Variants in ANXA6 observed in about 807,000 individuals in gnomAD.
ANXA6 encodes the protein 67 kDa calelectrin.
In ANXA6, 71 loss-of-function variants were observed where a neutral mutation model predicts 95.4. The ratio of observed to expected loss-of-function variants is 0.74; its 90% CI spans 0.61 to 0.91. ANXA6 has a LOEUF of 0.91. Among genes scored for constraint, ANXA6 ranks in the 40% least tolerant of loss-of-function variants. The pLI is 0.00. For synonymous variants in ANXA6, 289 were observed against 315.9 expected (o/e 0.91, Z 0.90); for missense variants, 830 against 876.4 (o/e 0.95, Z 0.67).
intron 24 of ANXA6, among the ~76,000 whole-genome samples, chr5:151,105,011 C>T (rs1223682291): frequency 6.6e-6 from 1 of 152,180 alleles, no homozygotes; most frequent in Non-Finnish European, 1.5e-5. Context: ...TTGTGATGAC[C>T]AAAAATGTGT....
At chr5:151,103,086 T>C (rs1764592638) in intron 25 of ANXA6, among the ~76,000 whole-genome samples, 1 of 152,170 alleles carries the variant, frequency 6.6e-6, no homozygotes. Flanking sequence ...AACCTCTACC[T>C]CCTGGGTTCA....
In ANXA6 at chr5:151,129,526, G is replaced by A; in HGVS notation, c.799C>T (p.Leu267=). ...ATCAGGGTGTTGTCCCGAGTCCCCA[G>A]GCCCTGCAAGACAAGTGGGTTTGGG... is the stretch of plus-strand genomic sequence containing the variant. ...AERLFKAMKG[L]GTRDNTLIRI... is the part of the protein sequence containing the mutation. The change falls in exon 12 of 26, where the codon CTG becomes TTG. Residue 267 remains leucine (L), a synonymous_variant. Coordinates refer to ENST00000354546, the MANE Select transcript of ANXA6 (RefSeq NM_001155.5). 2 of 1,601,118 alleles carry A rather than the reference G, an allele frequency of 1.2e-6. No homozygotes were observed. Among genetic ancestry groups the A allele is most frequent in the Non-Finnish European group, 1.7e-6 (2 of 1,173,816 alleles).
Position 151,100,911 on chromosome 5 carries a change from T to C in ANXA6, c.*537A>G. 1 of 456,394 alleles carries C rather than the reference T, an allele frequency of 2.2e-6. No homozygotes were observed. The allele number at this position is 456,394 out of a possible 1,614,324, so 28.3% of individuals were successfully genotyped here. A position where few individuals can be genotyped will look rare whatever the true frequency, so the allele number is the denominator to read the frequency against. On this transcript the variant is annotated 3_prime_UTR_variant, in exon 26 of 26. Transcript: ENST00000354546. ...AGGTCAGAAACAAGTGCATGGCAGATGCAGATTTGAACCCAGGCATCCAAA... is the reference window on the plus strand; with the variant it reads ...AGGTCAGAAACAAGTGCATGGCAGACGCAGATTTGAACCCAGGCATCCAAA...
chr5:151,113,643 A>T (rs1378856918), intron 20 of ANXA6, among the ~76,000 whole-genome samples: 1 of 151,124 alleles, frequency 6.6e-6, no homozygotes, highest in Non-Finnish European at 1.5e-5. Flanking sequence ...TCTGTAATGT[A>T]AAAAAAAAGT....
At chr5:151,140,396 G>A (rs1288256603) in intron 2 of ANXA6, 153 bp from the exon 3 acceptor site, 1 of 670,644 alleles carries the variant, frequency 1.5e-6, no homozygotes, top group East Asian at 2.8e-5. Context: ...GGAGCGGTGT[G>A]GATGACTTTC....
At position 151,122,246 on chromosome 5, in the gene ANXA6, G is replaced by T; in HGVS notation, c.1248C>A (p.Asp416Glu). The T allele has an allele frequency of 6.2e-7, 1 of 1,603,674 alleles. No homozygotes were observed. Among genetic ancestry groups the T allele is most frequent in the Non-Finnish European group, 8.5e-7 (1 of 1,175,546 alleles). ...KSHFGRDLMT[D>E]LKSEISGDLA... ...GGTCTCCAGAGATCTCAGACTTCAG[G>T]TCAGTCATTAAGTCCTGCAAAGGGC... Residue 416 changes from aspartate (D) to glutamate (E), a missense_variant, in exon 17 of 26, where the codon GAC becomes GAA. By Grantham distance (45) the Asp-to-Glu change is conservative (BLOSUM62 2). Coordinates refer to ENST00000354546, the MANE Select transcript of ANXA6 (RefSeq NM_001155.5).
intron 23 of ANXA6, among the ~76,000 whole-genome samples, chr5:151,107,745 T>C (rs1046218469): frequency 2.0e-5 from 3 of 152,248 alleles, no homozygotes; most frequent in African/African-American, 7.2e-5. Context: ...TCCATATTTA[T>C]ACACGGTGGA....
At chr5:151,129,687 C>T (rs562532670) in intron 11 of ANXA6, among the ~76,000 whole-genome samples, 158 bp from the exon 12 acceptor site, 1 of 138,172 alleles carries the variant, frequency 7.2e-6, no homozygotes, top group Non-Finnish European at 1.6e-5. Context: ...TCTCTATGCT[C>T]CTCTTACTGT....
chr5:151,139,486 G>A, intron 3 of ANXA6, 39 bp from the exon 4 acceptor site: 1 of 1,528,696 alleles, frequency 6.5e-7, no homozygotes, highest in East Asian at 2.3e-5. Context: ...TACCCACCCT[G>A]CCTCCAGGAA....
At chr5:151,117,053 G>A (rs910274308) in intron 20 of ANXA6, 74 bp downstream of exon 20, 11 of 1,398,344 alleles carry the variant, frequency 7.9e-6, no homozygotes, top group South Asian at 2.9e-5. Context: ...AGGGCCCGGC[G>A]TAGACACGCA....
chr5:151,117,096 A>G, intron 20 of ANXA6, 31 bp downstream of exon 20: 1 of 1,557,980 alleles, frequency 6.4e-7, no homozygotes, highest in Non-Finnish European at 8.7e-7. Flanking sequence ...GACACCCGGC[A>G]GAGGTGACTG....
At chr5:151,146,385 C>A (rs934227830) in intron 2 of ANXA6, among the ~76,000 whole-genome samples, 4 of 152,220 alleles carry the variant, frequency 2.6e-5, no homozygotes, top group Non-Finnish European at 5.9e-5. Context: ...GCCACTTGTA[C>A]ACACAGTATA....
intron 12 of ANXA6, among the ~76,000 whole-genome samples, chr5:151,128,666 A>G (rs1400204550): frequency 1.3e-5 from 2 of 152,208 alleles, no homozygotes; most frequent in Non-Finnish European, 2.9e-5. Context: ...AAAAAATCAA[A>G]CAAATATATA....
chr5:151,153,146 T>C (rs1036336333), intron 1 of ANXA6, among the ~76,000 whole-genome samples: 1 of 152,150 alleles, frequency 6.6e-6, no homozygotes, highest in East Asian at 1.9e-4. Context: ...CTGACTTCTT[T>C]GCCATCACCA....
At chr5:151,151,806 G>A (rs1289638891) in intron 1 of ANXA6, among the ~76,000 whole-genome samples, 3 of 152,172 alleles carry the variant, frequency 2.0e-5, no homozygotes, top group Admixed American at 2.0e-4. Flanking sequence ...AGCTGTTCAA[G>A]ACTAGTAAAC....
chr5:151,133,029 A>AAAATC, intron 9 of ANXA6, 65 bp downstream of exon 9: 1 of 1,113,466 alleles, frequency 9.0e-7, no homozygotes, highest in Non-Finnish European at 1.3e-6. Flanking sequence ...AAAAGAAAAG[A>AAAATC]GATAAAGAAA....
chr5:151,126,570 A>ACACACC (rs1491006188), intron 13 of ANXA6, 90 bp from the exon 14 acceptor site: 5 of 923,960 alleles, frequency 5.4e-6, no homozygotes, highest in South Asian at 2.9e-5. Context: ...ACACACACAC[A>ACACACC]CCCCAACACA....
chr5:151,108,762 T>C (rs892850851), intron 22 of ANXA6, among the ~76,000 whole-genome samples: 1 of 152,180 alleles, frequency 6.6e-6, no homozygotes, highest in African/African-American at 2.4e-5. Context: ...CAGAGCCAAA[T>C]CTGTCCCACG....
chr5:151,112,972 G>A (rs1366602953), intron 20 of ANXA6, among the ~76,000 whole-genome samples: 2 of 152,196 alleles, frequency 1.3e-5, no homozygotes, highest in Non-Finnish European at 2.9e-5. Flanking sequence ...CAGGGGCTGG[G>A]GGAAGGGAGA....
Sources: gnomAD v4.1 joint callset for allele counts (sites outside exome capture counted in the v4.1 genomes callset) on GRCh38, gnomAD v4.1.1 for gene constraint, MANE v1.5 for transcripts, NCBI Gene and HGNC (gene_info 2026-07-23, HGNC 2026-07-21) for gene names.